Variants in KCND2 observed in about 807,000 individuals in gnomAD.
The protein encoded by KCND2 is A-type voltage-gated potassium channel KCND2.
A neutral mutation model predicts 54.4 loss-of-function variants in KCND2; 16 were observed. That is an observed-to-expected ratio of 0.29 (90% CI 0.20 to 0.45). KCND2 has a LOEUF of 0.45. Among genes scored for constraint, KCND2 ranks in the 20% least tolerant of loss-of-function variants. The probability of loss-of-function intolerance (pLI) is 1.00; values close to 1 mark genes in which losing one functional copy is unlikely to be tolerated. For missense variants in KCND2, 486 were observed against 824.2 expected (o/e 0.59, Z 5.02); for synonymous variants, 317 against 310.7 (o/e 1.02, Z -0.21).
chr7:120,588,245 A>G (rs1012182189), intron 1 of KCND2, among the ~76,000 whole-genome samples: 2 of 152,152 alleles, frequency 1.3e-5, no homozygotes, highest in African/African-American at 4.8e-5. Context: ...GGTGTGTGTG[A>G]GGTTTAAAAG....
At chr7:120,699,236 C>T (rs1048342718) in intron 1 of KCND2, among the ~76,000 whole-genome samples, 4 of 151,192 alleles carry the variant, frequency 2.6e-5, no homozygotes, top group African/African-American at 7.3e-5. Context: ...GAGCCGAGAT[C>T]GCGCCACTGC....
At chr7:120,662,057 T>C (rs1238985125) in intron 1 of KCND2, among the ~76,000 whole-genome samples, 2 of 152,232 alleles carry the variant, frequency 1.3e-5, no homozygotes, top group African/African-American at 4.8e-5. Flanking sequence ...TCTTTGGCTC[T>C]TCATTTCCTT....
rs535141545 is a variant in KCND2 at position 120,273,203 on chromosome 7, G to A, written c.-1430G>A. Among the ~76,000 whole-genome samples the A allele has an allele frequency of 6.6e-6, 1 of 152,108 alleles. No individual in the cohort carries two copies. Among genetic ancestry groups the A allele is most frequent in the Non-Finnish European group, 1.5e-5 (1 of 68,000 alleles). On this transcript the variant is annotated 5_prime_UTR_variant, in exon 1 of 6. Coordinates refer to ENST00000331113, the MANE Select transcript of KCND2 (RefSeq NM_012281.3). ...ACCTGCGTGGCGGGGCGTGCGCGCG[G>A]TTATTTATTTATTTTCTCCTTATTT...
intron 1 of KCND2, among the ~76,000 whole-genome samples, chr7:120,720,104 A>C (rs1450962980): frequency 6.6e-6 from 1 of 152,170 alleles, no homozygotes; most frequent in African/African-American, 2.4e-5. Context: ...CAGTGGATTG[A>C]AATGCAGTTT....
At chr7:120,401,883 T>C (rs1049571325) in intron 1 of KCND2, among the ~76,000 whole-genome samples, 15 of 152,140 alleles carry the variant, frequency 9.9e-5, no homozygotes, top group Admixed American at 7.9e-4. Context: ...CACATTGAAA[T>C]TGCATGTCAT....
chr7:120,744,828 A>G (rs947740786), intron 4 of KCND2, among the ~76,000 whole-genome samples: 1 of 152,142 alleles, frequency 6.6e-6, no homozygotes, highest in African/African-American at 2.4e-5. Context: ...CACCCATGCA[A>G]AGAAAAACAA....
rs1420279016 is a variant in KCND2 at position 120,274,909 on chromosome 7, C to G, written c.277C>G (p.Arg93Gly). The G allele has an allele frequency of 6.2e-7, 1 of 1,614,122 alleles. No homozygotes were observed. The highest frequency in any genetic ancestry group is 8.5e-7 in the Non-Finnish European group (1 of 1,180,018). ...YFFDRDPDIF[R>G]HILNFYRTGK... ...CTTTGACCGTGACCCAGACATCTTC[C>G]GCCACATCCTGAATTTCTACCGCAC... Residue 93 changes from arginine to glycine, a missense_variant, in exon 1 of 6, where the codon CGC becomes GGC. Arg to Gly is a moderately radical substitution (Grantham distance 125, BLOSUM62 -2). This residue lies in a region of KCND2 where 231 missense variants were observed against 386.0 expected (regional missense o/e 0.60). Transcript: ENST00000331113.
chr7:120,421,166 TG>T (rs1175688845), intron 1 of KCND2, among the ~76,000 whole-genome samples: 1 of 152,250 alleles, frequency 6.6e-6, no homozygotes, highest in Non-Finnish European at 1.5e-5. Flanking sequence ...CTGCCACTTC[TG>T]TTAATGTCAG....
In KCND2 at chr7:120,275,475, C is replaced by T. The variant is rs1025718068; in HGVS notation, c.843C>T (p.Asp281=). 1 of 1,613,262 alleles carries T rather than the reference C, an allele frequency of 6.2e-7. No individual in the cohort carries two copies. The change falls in exon 1 of 6, where the codon GAC becomes GAT. Residue 281 remains aspartate (D), a synonymous_variant. Transcript: ENST00000331113. ...LPYYIGLVMT[D]NEDVSGAFVT... ...ATTACATTGGGCTGGTGATGACAGA[C>T]AATGAGGACGTCAGCGGAGCCTTTG...
chr7:120,451,512 A>T (rs569702157), intron 1 of KCND2, among the ~76,000 whole-genome samples: 1 of 152,354 alleles, frequency 6.6e-6, no homozygotes, highest in Non-Finnish European at 1.5e-5. Flanking sequence ...CAGGCACTGT[A>T]CTAGGCCCTA....
At chr7:120,474,977 A>T (rs1394368598) in intron 1 of KCND2, among the ~76,000 whole-genome samples, 1 of 152,170 alleles carries the variant, frequency 6.6e-6, no homozygotes, top group South Asian at 2.1e-4. Context: ...AGTACGTAGA[A>T]CTATAGGTGC....
At chr7:120,343,815 T>C (rs932739368) in intron 1 of KCND2, among the ~76,000 whole-genome samples, 3 of 152,194 alleles carry the variant, frequency 2.0e-5, no homozygotes, top group Non-Finnish European at 4.4e-5. Context: ...CACATGATAT[T>C]CAGGGTTGCT....
chr7:120,538,194 G>A (rs1227649414), intron 1 of KCND2, among the ~76,000 whole-genome samples: 1 of 152,112 alleles, frequency 6.6e-6, no homozygotes, highest in Non-Finnish European at 1.5e-5. Context: ...GCAAAGGAGA[G>A]GGAGAGAGTT....
chr7:120,319,159 A>G (rs1160085479), intron 1 of KCND2, among the ~76,000 whole-genome samples: 6 of 152,026 alleles, frequency 3.9e-5, no homozygotes, highest in Non-Finnish European at 8.8e-5. Flanking sequence ...TAGCTAATAG[A>G]GATGACTCTA....
chr7:120,522,072 C>T (rs746263821), intron 1 of KCND2, among the ~76,000 whole-genome samples: 2 of 152,162 alleles, frequency 1.3e-5, no homozygotes, highest in Non-Finnish European at 2.9e-5. Context: ...TTTCTAGTCT[C>T]AGCTTCCAAT....
At chr7:120,442,236 G>A (rs1463457263) in intron 1 of KCND2, among the ~76,000 whole-genome samples, 3 of 151,976 alleles carry the variant, frequency 2.0e-5, no homozygotes, top group Non-Finnish European at 4.4e-5. Flanking sequence ...GAATCTCAAG[G>A]CTGCTGTCCA....
chr7:120,351,328 A>T (rs1301983257), intron 1 of KCND2, among the ~76,000 whole-genome samples: 5 of 146,426 alleles, frequency 3.4e-5, no homozygotes, highest in Non-Finnish European at 6.0e-5. Flanking sequence ...ATTAATCATT[A>T]GTTTAAATGG....
chr7:120,475,383 T>C (rs886642975), intron 1 of KCND2, among the ~76,000 whole-genome samples: 4 of 152,230 alleles, frequency 2.6e-5, no homozygotes, highest in Admixed American at 2.6e-4. Flanking sequence ...TAAGTAAGGA[T>C]CTATATAGCA....
intron 1 of KCND2, among the ~76,000 whole-genome samples, chr7:120,667,047 A>G (rs779883981): frequency 1.1e-4 from 16 of 152,050 alleles, no homozygotes; most frequent in Non-Finnish European, 1.9e-4. Context: ...CTTGCAAAAG[A>G]CTTCATAAGA....
Sources: gnomAD v4.1 joint callset for allele counts (sites outside exome capture counted in the v4.1 genomes callset) on GRCh38, gnomAD v4.1.1 for gene constraint, gnomAD v4.1.1 regional missense constraint, MANE v1.5 for transcripts, NCBI Gene and HGNC (gene_info 2026-07-23, HGNC 2026-07-21) for gene names.